The following MICAL2 variants were observed in gnomAD, a reference collection of about 807,000 sequenced individuals.
The protein encoded by MICAL2 is [F-actin]-monooxygenase MICAL2.
In MICAL2, 77 loss-of-function variants were observed where a neutral mutation model predicts 127.3. That is an observed-to-expected ratio of 0.60 (90% CI 0.50 to 0.73). The LOEUF (loss-of-function observed/expected upper bound fraction) is 0.73, where lower values mean the gene tolerates loss of function less well. MICAL2 is among the 30% of genes least tolerant of loss of function. MICAL2 has a pLI of 0.00. For missense variants in MICAL2, 1,351 were observed against 1,434.4 expected (o/e 0.94, Z 0.94); for synonymous variants, 570 against 551.1 (o/e 1.03, Z -0.48).
At chr11:12,355,955 AT>A (rs11313148) in intron 34 of MICAL2, among the ~76,000 whole-genome samples, 132,630 of 151,766 alleles carry the variant, frequency 0.87, 58,127 homozygotes, top group East Asian at 0.93. Context: ...CTGAGAGAGG[AT>A]TTTTTTTTTA....
chr11:12,328,931 C>T (rs1864383624), intron 32 of MICAL2, among the ~76,000 whole-genome samples: 1 of 148,484 alleles, frequency 6.7e-6, no homozygotes, highest in Non-Finnish European at 1.5e-5. Flanking sequence ...GTAAGGGGTC[C>T]TGAGGTTTCA....
intron 3 of MICAL2, among the ~76,000 whole-genome samples, chr11:12,192,988 A>T (rs1162985004): frequency 6.6e-6 from 1 of 152,188 alleles, no homozygotes; most frequent in Non-Finnish European, 1.5e-5. Flanking sequence ...CAGAGGTAAT[A>T]AGCTGCTGTG....
At position 12,192,502 on chromosome 11, in the gene MICAL2, G is replaced by A. The variant is rs765570258; in HGVS notation, c.265-11748G>A. On this transcript the variant is annotated intron_variant, in intron 3 of 27. Transcript: ENST00000683283. The stretch of plus-strand genomic sequence containing the variant: ...CGATTTCTCCTCAGAAGCAAGGCAC[G>A]GTGGCTCACGCCTGTAATCTCAACA... Among the ~76,000 whole-genome samples, 8 of 152,212 alleles carry A rather than the reference G, an allele frequency of 5.3e-5. No individual in the cohort carries two copies. In the East Asian group the frequency reaches 1.3e-3, roughly 26 times the overall value.
chr11:12,160,009 G>A (rs1045927365), intron 2 of MICAL2, among the ~76,000 whole-genome samples: 4 of 152,230 alleles, frequency 2.6e-5, no homozygotes, highest in East Asian at 1.9e-4. Context: ...GCCTCATGGA[G>A]GACCCAGCCT....
chr11:12,331,083 G>A (rs1429037975), intron 32 of MICAL2, among the ~76,000 whole-genome samples: 1 of 152,114 alleles, frequency 6.6e-6, no homozygotes, highest in African/African-American at 2.4e-5. Context: ...GCCCAGCTCT[G>A]CAGCCACTTA....
At chr11:12,220,175 C>G (rs775267855) in intron 8 of MICAL2, 26 bp from the exon 9 acceptor site, 1 of 1,613,080 alleles carries the variant, frequency 6.2e-7, no homozygotes, top group South Asian at 1.1e-5. Context: ...GGGGAGGTTG[C>G]TGCACCATGT....
intron 32 of MICAL2, among the ~76,000 whole-genome samples, chr11:12,346,240 G>A (rs933643679): frequency 8.5e-5 from 13 of 152,164 alleles, no homozygotes; most frequent in African/African-American, 2.9e-4. Context: ...AGATGACCCC[G>A]GAGGGTTCTT....
chr11:12,168,138 C>T (rs1365447618), intron 3 of MICAL2, among the ~76,000 whole-genome samples: 2 of 67,192 alleles, frequency 3.0e-5, no homozygotes, highest in Non-Finnish European at 7.0e-5. Flanking sequence ...CTGGTCTCTA[C>T]AGCAAATACA....
chr11:12,153,625 A>G (rs998588208), intron 2 of MICAL2, among the ~76,000 whole-genome samples: 1 of 152,158 alleles, frequency 6.6e-6, no homozygotes, highest in African/African-American at 2.4e-5. Flanking sequence ...TTTGGTAGAG[A>G]TGGGGTTTCA....
intron 33 of MICAL2, among the ~76,000 whole-genome samples, chr11:12,352,304 A>G (rs10831800): frequency 0.53 from 80,644 of 152,134 alleles, 21,553 homozygotes; most frequent in Non-Finnish European, 0.57. Context: ...GGGTTCTGTG[A>G]AAATAAAGAT....
At chr11:12,175,006 C>A (rs1012643789) in intron 3 of MICAL2, among the ~76,000 whole-genome samples, 2 of 151,774 alleles carry the variant, frequency 1.3e-5, no homozygotes, top group Non-Finnish European at 2.9e-5. Context: ...ACCTGTAGTC[C>A]CAGCTACTTG....
rs147838643 is a variant in MICAL2, at chr11:12,255,667, G to A, written c.2872G>A (p.Gly958Arg). 1.4e-4 allele frequency: 225 copies of A among 1,613,978 alleles called. No individual in the cohort carries two copies. The highest frequency in any genetic ancestry group is 1.7e-4 in the Middle Eastern group (1 of 6,060). ...PQLTVGKVSS[G>R]IGAAAEVLVN... ...GCTGACGGTAGGGAAAGTGTCCAGC[G>A]GAATAGGGGCTGCAGCTGAAGTCCT... Residue 958 changes from glycine (G) to arginine (R), a missense_variant, in exon 23 of 28, where the codon GGA becomes AGA. By Grantham distance (125) the Gly-to-Arg change is moderately radical (BLOSUM62 -2). Transcript: ENST00000683283.
At chr11:12,221,462 C>T (rs1396382108) in intron 9 of MICAL2, among the ~76,000 whole-genome samples, 182 bp from the exon 10 acceptor site, 1 of 152,228 alleles carries the variant, frequency 6.6e-6, no homozygotes, top group Non-Finnish European at 1.5e-5. Context: ...TACATTTAAC[C>T]TTCTGCTATA....
Position 12,213,352 on chromosome 11 carries a change from T to C in MICAL2, c.789T>C (p.Ile263=). 1 of 1,614,046 alleles carries C rather than the reference T, an allele frequency of 6.2e-7. No individual in the cohort carries two copies. Among genetic ancestry groups the C allele is most frequent in the Non-Finnish European group, 8.5e-7 (1 of 1,179,944 alleles). ...NSTAEAKVEE[I]SGVAFIFNQK... is the part of the protein sequence containing the mutation. ...CAGCGGAAGCCAAGGTGGAAGAGAT[T>C]AGTGGTGTGGCTTTCATCTTCAATC... The change falls in exon 7 of 28, where the codon ATT becomes ATC. Residue 263 remains isoleucine, a synonymous_variant. Transcript: ENST00000683283.
intron 22 of MICAL2, among the ~76,000 whole-genome samples, chr11:12,249,496 C>A (rs1427345826): frequency 6.6e-6 from 1 of 152,244 alleles, no homozygotes; most frequent in Non-Finnish European, 1.5e-5. Flanking sequence ...TTTGCCTGCC[C>A]TCCTACCCCC....
At chr11:12,350,031 C>T in intron 33 of MICAL2, 2 of 916,242 alleles carry the variant, frequency 2.2e-6, no homozygotes, top group Non-Finnish European at 3.5e-6. Flanking sequence ...GGGACTTTTT[C>T]TCCTTGTGCA....
At chr11:12,357,018 C>T (rs993956875) in intron 34 of MICAL2, among the ~76,000 whole-genome samples, 1 of 152,192 alleles carries the variant, frequency 6.6e-6, no homozygotes, top group African/African-American at 2.4e-5. Context: ...ATGGAGAGAC[C>T]GAGCATGGGG....
chr11:12,343,406 T>TAAAAAAAAAA (rs57546290), intron 32 of MICAL2, among the ~76,000 whole-genome samples: 4 of 110,086 alleles, frequency 3.6e-5, no homozygotes, highest in Admixed American at 9.9e-5. Flanking sequence ...TTCATCTCAT[T>TAAAAAAAAAA]AAAAAAAAAA....
At chr11:12,218,547 G>T (rs750657029) in intron 8 of MICAL2, among the ~76,000 whole-genome samples, 5 of 151,584 alleles carry the variant, frequency 3.3e-5, no homozygotes, top group Non-Finnish European at 5.9e-5. Context: ...TATTTTGAAG[G>T]GGGGGTGTTT....
Sources: gnomAD v4.1 joint callset for allele counts (sites outside exome capture counted in the v4.1 genomes callset) on GRCh38, gnomAD v4.1.1 for gene constraint, MANE v1.5 for transcripts, NCBI Gene and HGNC (gene_info 2026-07-23, HGNC 2026-07-21) for gene names.